Variants in USH2A observed in about 807,000 individuals in gnomAD.
USH2A encodes Usher syndrome 2A (autosomal recessive, mild).
A neutral mutation model predicts 538.9 loss-of-function variants in USH2A; 443 were observed. The observed-to-expected ratio is 0.82, with a 90% CI of 0.76 to 0.89. The LOEUF (loss-of-function observed/expected upper bound fraction) is 0.89, where lower values mean the gene tolerates loss of function less well. USH2A is among the 40% of genes least tolerant of loss of function. The pLI, the probability that USH2A is intolerant of heterozygous loss-of-function variation, is 0.00. For missense variants in USH2A, 6,633 were observed against 6,324.8 expected, an observed-to-expected ratio of 1.05 and a Z score of -1.65; for synonymous variants, 2,413 against 2,273.5, an observed-to-expected ratio of 1.06 and a Z score of -1.75.
At chr1:216,346,018 G>C (rs181020405) in intron 4 of USH2A, among the ~76,000 whole-genome samples, 2 of 152,034 alleles carry the variant, frequency 1.3e-5, no homozygotes, top group Non-Finnish European at 2.9e-5. Flanking sequence ...CCAGGTTCAG[G>C]GTTCAATTCC....
intron 20 of USH2A, among the ~76,000 whole-genome samples, chr1:216,178,147 T>A (rs1487427651): frequency 6.6e-6 from 1 of 152,202 alleles, no homozygotes; most frequent in Non-Finnish European, 1.5e-5. Flanking sequence ...TCATTTTGGT[T>A]CTATTTTAAC....
intron 21 of USH2A, among the ~76,000 whole-genome samples, chr1:216,147,096 A>G (rs911512414): frequency 4.8e-4 from 73 of 152,080 alleles, no homozygotes; most frequent in African/African-American, 1.6e-3. Context: ...CTCTGTGACC[A>G]GTTAAACTCA....
intron 47 of USH2A, among the ~76,000 whole-genome samples, chr1:215,837,262 G>C (rs1012767141): frequency 4.0e-5 from 6 of 150,470 alleles, no homozygotes; most frequent in Non-Finnish European, 7.4e-5. Context: ...GTATGTGTCT[G>C]TGTGTGTGTG....
At chr1:216,012,880 C>T (rs1668609876) in intron 32 of USH2A, among the ~76,000 whole-genome samples, 1 of 152,020 alleles carries the variant, frequency 6.6e-6, no homozygotes. Flanking sequence ...AGACTGTGCC[C>T]CAAAAAAACT....
At chr1:215,892,420 A>G (rs890422352) in intron 40 of USH2A, among the ~76,000 whole-genome samples, 3 of 152,196 alleles carry the variant, frequency 2.0e-5, no homozygotes, top group African/African-American at 7.2e-5. Flanking sequence ...CCAGTGAATT[A>G]AAAATCAAAG....
intron 27 of USH2A, among the ~76,000 whole-genome samples, chr1:216,077,424 G>A (rs1258590558): frequency 6.6e-6 from 1 of 151,668 alleles, no homozygotes; most frequent in Non-Finnish European, 1.5e-5. Context: ...GAGACAATTA[G>A]CATTTATGTC....
At chr1:216,065,448 A>G (rs1244575026) in intron 30 of USH2A, among the ~76,000 whole-genome samples, 4 of 152,238 alleles carry the variant, frequency 2.6e-5, no homozygotes, top group African/African-American at 9.6e-5. Context: ...TTAACTACAT[A>G]AAATATTTTT....
intron 30 of USH2A, among the ~76,000 whole-genome samples, chr1:216,059,942 C>A (rs1571925157): frequency 6.6e-6 from 1 of 152,282 alleles, no homozygotes; most frequent in South Asian, 2.1e-4. Context: ...CCAATTCTTA[C>A]TTTCTTTCTT....
intron 40 of USH2A, among the ~76,000 whole-genome samples, chr1:215,899,288 A>C (rs1476001863): frequency 6.6e-6 from 1 of 152,234 alleles, no homozygotes; most frequent in East Asian, 1.9e-4. Context: ...TTGCCTAAGA[A>C]GCCTATGATT....
intron 11 of USH2A, among the ~76,000 whole-genome samples, chr1:216,261,308 G>T (rs1430442947): frequency 2.0e-5 from 3 of 151,668 alleles, no homozygotes; most frequent in African/African-American, 7.2e-5. Flanking sequence ...GTGAAAGAAA[G>T]AATTCTTAAA....
chr1:216,337,967 TAA>T (rs1236620278), intron 4 of USH2A, among the ~76,000 whole-genome samples: 8 of 151,408 alleles, frequency 5.3e-5, no homozygotes, highest in South Asian at 2.1e-4. Flanking sequence ...CCTTTTATTA[TAA>T]GTTATGAGTA....
intron 32 of USH2A, among the ~76,000 whole-genome samples, chr1:216,036,387 A>T (rs2029966035): frequency 6.6e-6 from 1 of 152,158 alleles, no homozygotes; most frequent in Non-Finnish European, 1.5e-5. Flanking sequence ...GATAATCACT[A>T]TTAGTATTTT....
chr1:216,413,271 T>G (rs1330459686), intron 3 of USH2A, among the ~76,000 whole-genome samples: 3 of 151,974 alleles, frequency 2.0e-5, no homozygotes, highest in African/African-American at 7.2e-5. Flanking sequence ...GAGATTCTCT[T>G]AGAATGGGAG....
rs1234810420 is a variant in USH2A, at chr1:215,693,138, A to G, written c.12067-12762T>C. Among the ~76,000 whole-genome samples the G allele has an allele frequency of 4.8e-5, 7 of 145,528 alleles. No individual in the cohort carries two copies. The East Asian group carries it at 1.2e-3, about 25-fold the overall frequency. Reference sequence around the variant, plus strand: ...TGTGTATATATATATATATATACACACACACACATATGTATTTTTTTTTGT... The same window carrying G: ...TGTGTATATATATATATATATACACGCACACACATATGTATTTTTTTTTGT... On this transcript the variant is annotated intron_variant, in intron 61 of 71. Transcript: ENST00000307340.
At chr1:216,406,760 T>C (rs1280100361) in intron 3 of USH2A, among the ~76,000 whole-genome samples, 3 of 152,184 alleles carry the variant, frequency 2.0e-5, no homozygotes, top group East Asian at 3.9e-4. Flanking sequence ...CTTTTCTACC[T>C]ACCTTGTATT....
chr1:215,883,579 T>C (rs1664973552), intron 41 of USH2A, among the ~76,000 whole-genome samples: 1 of 152,164 alleles, frequency 6.6e-6, no homozygotes, highest in Non-Finnish European at 1.5e-5. Context: ...TAATATGATA[T>C]GATAAAGGGA....
intron 38 of USH2A, among the ~76,000 whole-genome samples, chr1:215,912,373 G>A (rs1046860799): frequency 2.7e-5 from 4 of 150,826 alleles, no homozygotes; most frequent in Non-Finnish European, 5.9e-5. Context: ...TTTTATTTTT[G>A]TACATGGTGA....
At chr1:216,048,237 A>G (rs772632224) in intron 31 of USH2A, among the ~76,000 whole-genome samples, 1 of 152,236 alleles carries the variant, frequency 6.6e-6, no homozygotes, top group Non-Finnish European at 1.5e-5. Flanking sequence ...GGAAGCTTTC[A>G]TTAATCTTTC....
chr1:216,335,494 A>T (rs1203971337), intron 4 of USH2A, among the ~76,000 whole-genome samples: 4 of 151,592 alleles, frequency 2.6e-5, no homozygotes, highest in African/African-American at 9.7e-5. Context: ...ACAAAAGTTG[A>T]TTGTTAGAAA....
Sources: gnomAD v4.1 joint callset for allele counts (sites outside exome capture counted in the v4.1 genomes callset) on GRCh38, gnomAD v4.1.1 for gene constraint, MANE v1.5 for transcripts, NCBI Gene and HGNC (gene_info 2026-07-23, HGNC 2026-07-21) for gene names.